The following GRIK5 variants were observed in gnomAD, a reference collection of about 807,000 sequenced individuals.
The protein encoded by GRIK5 is glutamate ionotropic receptor kainate type subunit 5.
In GRIK5, 43 loss-of-function variants were observed where a neutral mutation model predicts 97.4. The observed-to-expected ratio is 0.44, with a 90% CI of 0.35 to 0.57. GRIK5 has a LOEUF of 0.57. Among genes scored for constraint, GRIK5 ranks in the 20% least tolerant of loss-of-function variants. The probability of loss-of-function intolerance (pLI) is 0.01; values close to 1 mark genes in which losing one functional copy is unlikely to be tolerated. For missense variants in GRIK5, 1,015 were observed against 1,382.0 expected (o/e 0.73, Z 4.21); for synonymous variants, 580 against 583.5 (o/e 0.99, Z 0.09).
At chr19:42,044,688 GC>G (rs1296912516) in intron 11 of GRIK5, among the ~76,000 whole-genome samples, 1 of 152,192 alleles carries the variant, frequency 6.6e-6, no homozygotes, top group African/African-American at 2.4e-5. Flanking sequence ...AGTACCTCAA[GC>G]CTGTAACTCT....
intron 6 of GRIK5, among the ~76,000 whole-genome samples, 182 bp downstream of exon 6, chr19:42,059,167 A>G (rs949753106): frequency 1.3e-5 from 2 of 152,206 alleles, no homozygotes; most frequent in African/African-American, 4.8e-5. Flanking sequence ...GTGACTGCTC[A>G]GGACCACACA....
In GRIK5 at chr19:42,062,685, T is replaced by C. The variant is rs767951098; in HGVS notation, c.343-32A>G. On this transcript the variant is annotated intron_variant, in intron 4 of 19. Coordinates refer to ENST00000593562, the MANE Select transcript of GRIK5 (RefSeq NM_002088.5). The surrounding 1 kb of genome is among the most constrained non-coding windows in gnomAD (Gnocchi z 5.3). Reference sequence around the variant, plus strand: ...AGAGAGGAAACTTTGGCCTCCATCCTGCTTCTCCGCCCAGCCCTCGCCTCC... The same window carrying C: ...AGAGAGGAAACTTTGGCCTCCATCCCGCTTCTCCGCCCAGCCCTCGCCTCC... The C allele has an allele frequency of 1.9e-6, 3 of 1,613,550 alleles. No homozygotes were observed. Among genetic ancestry groups the C allele is most frequent in the African/African-American group, 2.7e-5 (2 of 74,882 alleles).
At chr19:42,045,720 T>G (rs2076035260) in intron 11 of GRIK5, among the ~76,000 whole-genome samples, 1 of 152,188 alleles carries the variant, frequency 6.6e-6, no homozygotes. Flanking sequence ...GAATGTGAGA[T>G]AATACTAATA....
intron 8 of GRIK5, among the ~76,000 whole-genome samples, chr19:42,055,835 A>G (rs2076175936): frequency 6.6e-6 from 1 of 151,622 alleles, no homozygotes; most frequent in Admixed American, 6.6e-5. Context: ...GGCATACGCC[A>G]CCACACCCAG....
chr19:42,053,694 A>C lies in GRIK5; in HGVS notation c.1177T>G (p.Ser393Ala). ...GCATTCATGGCCAGGGTGCGGTTAG[A>C]GTACCACACCCCAATCTAGGGGGCA... ...QGHREIGVWY[S>A]NRTLAMNATT... The change falls in exon 11 of 20, where the codon TCT becomes GCT. Residue 393 changes from serine (S) to alanine (A), a missense_variant. Ser to Ala is a moderately conservative substitution (Grantham distance 99). This residue lies in a region of GRIK5 where 477 missense variants were observed against 701.1 expected (regional missense o/e 0.68). Transcript: ENST00000593562. 1 of 1,607,952 alleles carries C rather than the reference A, an allele frequency of 6.2e-7. No homozygotes were observed. The highest frequency in any genetic ancestry group is 2.2e-5 in the East Asian group (1 of 44,840).
chr19:42,063,269 T>A (rs1292783858), intron 3 of GRIK5: 4 of 460,194 alleles, frequency 8.7e-6, no homozygotes, highest in African/African-American at 8.0e-5. Flanking sequence ...AGCCTTCCCA[T>A]ACTCCAAACA....
At chr19:42,055,259 G>A (rs1027854559) in intron 8 of GRIK5, among the ~76,000 whole-genome samples, 7 of 152,198 alleles carry the variant, frequency 4.6e-5, no homozygotes, top group South Asian at 4.1e-4. Flanking sequence ...TCTGTGTTGT[G>A]TAGATGTGCA....
chr19:42,008,089 T>C (rs1193706718), intron 15 of GRIK5, among the ~76,000 whole-genome samples: 1 of 151,872 alleles, frequency 6.6e-6, no homozygotes, highest in Non-Finnish European at 1.5e-5. Context: ...TGGAGTGCAG[T>C]GGTGTGATCT....
intron 12 of GRIK5, among the ~76,000 whole-genome samples, chr19:42,029,225 G>A (rs577680097): frequency 8.4e-4 from 127 of 152,078 alleles, no homozygotes; most frequent in African/African-American, 3.0e-3. Context: ...GTGCCACCAT[G>A]CCCAGCTAAT....
Position 42,069,852 on chromosome 19 carries a change from G to A in GRIK5, c.-662C>T, listed in dbSNP as rs2076399846. Among the ~76,000 whole-genome samples, 1 of 152,154 alleles carries A rather than the reference G, an allele frequency of 6.6e-6. No individual in the cohort carries two copies. Among genetic ancestry groups the A allele is most frequent in the Admixed American group, 6.5e-5 (1 of 15,290 alleles). On this transcript the variant is annotated 5_prime_UTR_variant, in exon 1 of 20. Transcript: ENST00000593562. ...CACGGGAAAAGCATGCTGGGGGCGG[G>A]GAGAGCCCGGGAGTGGAGAGCTGGG...
intron 12 of GRIK5, among the ~76,000 whole-genome samples, chr19:42,034,140 T>C (rs1009839722): frequency 2.0e-5 from 3 of 152,172 alleles, no homozygotes; most frequent in Non-Finnish European, 2.9e-5. Context: ...GGCAGGTAGA[T>C]TGCTTGAGCC....
At chr19:42,020,104 G>T (rs533933259) in intron 15 of GRIK5, among the ~76,000 whole-genome samples, 3 of 151,390 alleles carry the variant, frequency 2.0e-5, no homozygotes, top group African/African-American at 7.3e-5. Context: ...TCCTCTACAG[G>T]GTTATAATTT....
At chr19:42,052,026 C>A (rs2076123544) in intron 11 of GRIK5, among the ~76,000 whole-genome samples, 1 of 152,138 alleles carries the variant, frequency 6.6e-6, no homozygotes, top group Non-Finnish European at 1.5e-5. Flanking sequence ...ACTGGGACCG[C>A]CTCCCAGTGC....
In GRIK5 at chr19:42,022,194, A is replaced by G. The variant is rs755111645; in HGVS notation, c.1587+47T>C. ...GTCTGGCTCCCACTCGCAGGCCCTG[A>G]GCCTCCATGCCAGGCAAGCAGCCCA... On this transcript the variant is annotated intron_variant, in intron 13 of 19. Transcript: ENST00000593562. This position sits in a 1 kb window ranked among gnomAD's most constrained non-coding sequence, Gnocchi z 4.2. 16 of 1,502,024 alleles carry G rather than the reference A, an allele frequency of 1.1e-5. No homozygotes were observed. In the South Asian group the frequency reaches 1.8e-4, roughly 17 times the overall value. The allele number at this position is 1,502,024 out of a possible 1,614,324, so 93.0% of individuals were successfully genotyped here.
intron 15 of GRIK5, among the ~76,000 whole-genome samples, chr19:42,017,002 G>A (rs997047929): frequency 3.3e-5 from 5 of 151,266 alleles, no homozygotes; most frequent in African/African-American, 7.3e-5. Flanking sequence ...TGTTTTAATC[G>A]AGGGATGACT....
At chr19:42,000,211 T>C (rs184427114) in intron 19 of GRIK5, among the ~76,000 whole-genome samples, 42 of 152,216 alleles carry the variant, frequency 2.8e-4, no homozygotes, top group Admixed American at 2.7e-3. Flanking sequence ...ACTGGGGAGC[T>C]TTAGGTAGAG....
intron 3 of GRIK5, chr19:42,063,547 G>C: frequency 8.6e-6 from 3 of 347,750 alleles, no homozygotes; most frequent in Non-Finnish European, 1.7e-5. Flanking sequence ...ATACATATGG[G>C]TGCAAATCAG....
intron 11 of GRIK5, 118 bp downstream of exon 11, chr19:42,053,484 T>A: frequency 1.5e-6 from 1 of 659,544 alleles, no homozygotes; most frequent in Non-Finnish European, 2.7e-6. Flanking sequence ...CGTGCAGGAA[T>A]CCCAGCCCCC....
intron 3 of GRIK5, among the ~76,000 whole-genome samples, chr19:42,064,429 A>G (rs1277758355): frequency 6.6e-6 from 1 of 150,730 alleles, no homozygotes; most frequent in Non-Finnish European, 1.5e-5. Context: ...ATACCCCCCC[A>G]TTTCTTGGCT....
Sources: allele counts gnomAD v4.1 joint callset (sites outside exome capture counted in the v4.1 genomes callset), GRCh38; gene constraint gnomAD v4.1.1; regional missense constraint gnomAD v4.1.1; non-coding constraint Gnocchi (gnomAD v3.1); transcripts MANE v1.5; gene names NCBI Gene and HGNC (gene_info 2026-07-23, HGNC 2026-07-21).